Variants in SENP6 observed in about 807,000 individuals in gnomAD.
SENP6 encodes the protein SUMO specific peptidase 6, also known as sentrin-specific protease 6.
Under a neutral mutation model 134.5 loss-of-function variants are expected in SENP6, and 41 were observed. That is an observed-to-expected ratio of 0.30 (90% CI 0.24 to 0.40). SENP6 has a LOEUF of 0.40. Among genes scored for constraint, SENP6 ranks in the 10% least tolerant of loss-of-function variants. SENP6 has a pLI of 1.00. For missense variants in SENP6, 1,248 were observed against 1,312.5 expected, an observed-to-expected ratio of 0.95 and a Z score of 0.76; for synonymous variants, 395 against 429.8, an observed-to-expected ratio of 0.92 and a Z score of 1.00.
intron 12 of SENP6, 87 bp downstream of exon 12, chr6:75,675,555 G>T: frequency 1.2e-6 from 1 of 833,796 alleles, no homozygotes; most frequent in Non-Finnish European, 1.9e-6. Flanking sequence ...AATATTCATA[G>T]AATTTATTAA....
chr6:75,634,191 G>C (rs923937417), intron 4 of SENP6, among the ~76,000 whole-genome samples: 3 of 152,140 alleles, frequency 2.0e-5, no homozygotes, highest in African/African-American at 7.2e-5. Flanking sequence ...TTTTATTTCT[G>C]CTGTCTCAAT....
chr6:75,660,923 G>A (rs772261987), intron 8 of SENP6, among the ~76,000 whole-genome samples: 13 of 152,034 alleles, frequency 8.6e-5, no homozygotes, highest in African/African-American at 1.2e-4. Flanking sequence ...GAGCCACCGC[G>A]CCTGGCCATT....
intron 3 of SENP6, among the ~76,000 whole-genome samples, chr6:75,627,535 G>T (rs150699943): frequency 3.3e-5 from 5 of 152,222 alleles, no homozygotes; most frequent in African/African-American, 1.2e-4. Flanking sequence ...AGGATGAAGC[G>T]GGAGGATCGT....
chr6:75,666,086 CGT>C (rs35277437), intron 9 of SENP6, among the ~76,000 whole-genome samples: 56,511 of 142,574 alleles, frequency 0.4, 11,440 homozygotes, highest in East Asian at 0.54. Context: ...ATATATAAAA[CGT>C]ATATATGATA....
At chr6:75,691,416 CTTATAG>C (rs1426751562) in intron 16 of SENP6, among the ~76,000 whole-genome samples, 1 of 152,118 alleles carries the variant, frequency 6.6e-6, no homozygotes, top group African/African-American at 2.4e-5. Context: ...TTAACTTCAT[CTTATAG>C]TTAAAGGAGT....
chr6:75,602,815 C>G (rs1766737275), intron 1 of SENP6, among the ~76,000 whole-genome samples: 1 of 152,160 alleles, frequency 6.6e-6, no homozygotes, highest in African/African-American at 2.4e-5. Context: ...GAGCTACGAG[C>G]CAGAGTTGGT....
At chr6:75,699,354 C>CTTTTTTTTTTTTT (rs71544060) in intron 18 of SENP6, among the ~76,000 whole-genome samples, 2 of 115,016 alleles carry the variant, frequency 1.7e-5, no homozygotes, top group Non-Finnish European at 3.5e-5. Context: ...TTTGTTTTTG[C>CTTTTTTTTTTTTT]TTTTTTTTTT....
intron 5 of SENP6, among the ~76,000 whole-genome samples, chr6:75,637,667 G>A (rs957594271): frequency 6.6e-6 from 1 of 151,732 alleles, no homozygotes; most frequent in African/African-American, 2.4e-5. Flanking sequence ...AGACTTATAA[G>A]AACCTTATAA....
rs771180086 is a variant in SENP6 at position 75,633,588 on chromosome 6, G to A, written c.215G>A (p.Arg72His). Residue 72 changes from arginine to histidine, a missense_variant, in exon 4 of 24, where the codon CGT (arginine) becomes CAT (histidine). This residue lies in a region of SENP6 where 733 missense variants were observed against 725.4 expected (regional missense o/e 1.01). Coordinates refer to ENST00000447266, the MANE Select transcript of SENP6 (RefSeq NM_015571.4). ...SETSKGKKLN[R>H]RSEIVANSSG... is the part of the protein sequence containing the mutation. ...CTGGATCTTTTTTTACAGTTAAATC[G>A]TCGATCTGAAATTGTTGCTAATAGC... 14 of 1,591,296 alleles carry A rather than the reference G, an allele frequency of 8.8e-6. No homozygotes were observed. The highest frequency in any genetic ancestry group is 1.7e-4 in the Middle Eastern group (1 of 5,920).
Position 75,657,534 on chromosome 6 carries a change from A to T in SENP6, c.551-1728A>T, listed in dbSNP as rs78984691. 2.3e-3 allele frequency among the ~76,000 whole-genome samples: 352 copies of T among 152,344 alleles called. 2 individuals carry two copies. Among genetic ancestry groups the T allele is most frequent in the Non-Finnish European group, 3.9e-3 (262 of 68,022 alleles). On this transcript the variant is annotated intron_variant, in intron 7 of 23. Transcript: ENST00000447266. Reference sequence around the variant, plus strand: ...CATTTTCAGAGATGACATAGTGACAATGTCTCTTCCTCCGACCCCTGTAAT... The same window carrying T: ...CATTTTCAGAGATGACATAGTGACATTGTCTCTTCCTCCGACCCCTGTAAT...
At chr6:75,706,193 G>C (rs1339225939) in intron 19 of SENP6, among the ~76,000 whole-genome samples, 1 of 151,820 alleles carries the variant, frequency 6.6e-6, no homozygotes, top group Non-Finnish European at 1.5e-5. Context: ...GGGCAGGTGA[G>C]GTGGGTGGGA....
At chr6:75,667,685 A>C (rs958324718) in intron 10 of SENP6, among the ~76,000 whole-genome samples, 1 of 152,216 alleles carries the variant, frequency 6.6e-6, no homozygotes, top group Non-Finnish European at 1.5e-5. Context: ...ACCATTAAAA[A>C]ATTTTTAATG....
intron 16 of SENP6, among the ~76,000 whole-genome samples, chr6:75,683,441 T>G (rs1220056309): frequency 6.6e-6 from 1 of 152,222 alleles, no homozygotes; most frequent in Non-Finnish European, 1.5e-5. Context: ...TTGCCATTGC[T>G]TTTGGTGTTT....
At position 75,680,869 on chromosome 6, in the gene SENP6, C is replaced by T. The variant is rs73456969; in HGVS notation, c.2075+1942C>T. On this transcript the variant is annotated intron_variant, in intron 16 of 23. Coordinates refer to ENST00000447266, the MANE Select transcript of SENP6 (RefSeq NM_015571.4). ...CAATAATGAGGTAACACCCTACTACCCACTGGAGTGTGGTGCTAGAGGAAG... is the reference window on the plus strand; with the variant it reads ...CAATAATGAGGTAACACCCTACTACTCACTGGAGTGTGGTGCTAGAGGAAG... Among the ~76,000 whole-genome samples, 112 of 152,210 alleles carry T rather than the reference C, an allele frequency of 7.4e-4. 2 individuals carry two copies. The highest frequency in any genetic ancestry group is 2.6e-3 in the African/African-American group (109 of 41,534).
intron 1 of SENP6, among the ~76,000 whole-genome samples, chr6:75,614,036 G>C (rs1207713704): frequency 1.3e-5 from 2 of 152,178 alleles, no homozygotes; most frequent in East Asian, 3.9e-4. Context: ...TGGTTATTTT[G>C]TAGTTTAATC....
intron 16 of SENP6, among the ~76,000 whole-genome samples, chr6:75,689,845 C>A (rs1774113761): frequency 6.6e-6 from 1 of 152,158 alleles, no homozygotes; most frequent in African/African-American, 2.4e-5. Flanking sequence ...CTTCAAATTA[C>A]CTCATGATGC....
intron 11 of SENP6, among the ~76,000 whole-genome samples, chr6:75,672,903 C>T (rs1406696276): frequency 6.6e-6 from 1 of 152,156 alleles, no homozygotes; most frequent in Non-Finnish European, 1.5e-5. Context: ...TCTCGGCTCA[C>T]TGCAAGCTCC....
intron 16 of SENP6, among the ~76,000 whole-genome samples, chr6:75,691,437 A>G (rs775252774): frequency 2.0e-5 from 3 of 151,646 alleles, no homozygotes; most frequent in Non-Finnish European, 4.4e-5. Context: ...AGGAGTTCTG[A>G]TGATGTTAGA....
intron 6 of SENP6, 50 bp from the exon 7 acceptor site, chr6:75,647,681 T>G (rs773743706): frequency 7.5e-7 from 1 of 1,332,450 alleles, no homozygotes; most frequent in Non-Finnish European, 1.1e-6. Flanking sequence ...TTTTTCATTT[T>G]GAAAACTGTA....
Sources: allele counts gnomAD v4.1 joint callset (sites outside exome capture counted in the v4.1 genomes callset), GRCh38; gene constraint gnomAD v4.1.1; regional missense constraint gnomAD v4.1.1; transcripts MANE v1.5; gene names NCBI Gene and HGNC (gene_info 2026-07-23, HGNC 2026-07-21).